Variants in GRID2 observed in about 807,000 individuals in gnomAD.
GRID2 encodes the protein glutamate receptor ionotropic, delta-2.
A neutral mutation model predicts 114.8 loss-of-function variants in GRID2; 33 were observed. The observed-to-expected ratio is 0.29, with a 90% CI of 0.22 to 0.38. The LOEUF is 0.38. GRID2 is among the 10% of genes least tolerant of loss of function. The probability of loss-of-function intolerance (pLI) is 1.00; values close to 1 mark genes in which losing one functional copy is unlikely to be tolerated. For missense variants in GRID2, 1,184 were observed against 1,257.7 expected (o/e 0.94, Z 0.89); for synonymous variants, 505 against 449.9 (o/e 1.12, Z -1.55).
chr4:93,449,803 AT>A (rs1364756257), intron 10 of GRID2, among the ~76,000 whole-genome samples: 2 of 152,042 alleles, frequency 1.3e-5, no homozygotes, highest in Non-Finnish European at 2.9e-5. Flanking sequence ...TGAATGAAGA[AT>A]TAAAGGCTTG....
At chr4:93,661,166 TACTC>T in intron 14 of GRID2, among the ~76,000 whole-genome samples, 1 of 152,318 alleles carries the variant, frequency 6.6e-6, no homozygotes, top group Middle Eastern at 3.4e-3. Flanking sequence ...AGAATTGGCT[TACTC>T]ACTGAAAGTA....
Position 92,773,014 on chromosome 4 carries a change from C to T in GRID2, c.244+182728C>T, listed in dbSNP as rs549431919. On this transcript the variant is annotated intron_variant, in intron 2 of 15. Transcript: ENST00000282020. Reference sequence around the variant, plus strand: ...AAAAATCACCTACTCATTAGTTCAGCACAATGGAAATTTGTATTATCTGCC... The same window carrying T: ...AAAAATCACCTACTCATTAGTTCAGTACAATGGAAATTTGTATTATCTGCC... Among the ~76,000 whole-genome samples the T allele has an allele frequency of 7.9e-5, 12 of 152,264 alleles. No individual in the cohort carries two copies. The East Asian group carries it at 2.3e-3, about 29-fold the overall frequency.
intron 2 of GRID2, among the ~76,000 whole-genome samples, chr4:92,851,209 G>A (rs1191033728): frequency 6.6e-6 from 1 of 151,774 alleles, no homozygotes; most frequent in Non-Finnish European, 1.5e-5. Flanking sequence ...TAACAAATCA[G>A]CCAAATACTT....
At position 92,472,094 on chromosome 4, in the gene GRID2, C is replaced by T. The variant is rs1374277308; in HGVS notation, c.89-118037C>T. ...GACTACAGGCGCCCGCCACTACGCC[C>T]AGCTAATTTTTTGTATTTTTAGTAG... On this transcript the variant is annotated intron_variant, in intron 1 of 15. Coordinates refer to ENST00000282020, the MANE Select transcript of GRID2 (RefSeq NM_001510.4). 3.4e-5 allele frequency among the ~76,000 whole-genome samples: 4 copies of T among 117,808 alleles called. 2 individuals are homozygous for T. Among genetic ancestry groups the T allele is most frequent in the African/African-American group, 1.5e-4 (4 of 26,478 alleles). The allele number at this position is 117,808 out of a possible 152,430, so 77.3% of individuals were successfully genotyped here. A position where few individuals can be genotyped will look rare whatever the true frequency, so the allele number is the denominator to read the frequency against.
At chr4:92,907,885 T>C (rs1462486935) in intron 2 of GRID2, among the ~76,000 whole-genome samples, 1 of 151,890 alleles carries the variant, frequency 6.6e-6, no homozygotes, top group Non-Finnish European at 1.5e-5. Flanking sequence ...TAGCTGGATG[T>C]GTTAGGGTGC....
At chr4:93,502,638 G>A (rs370856846) in intron 12 of GRID2, among the ~76,000 whole-genome samples, 1 of 151,314 alleles carries the variant, frequency 6.6e-6, no homozygotes, top group Admixed American at 6.6e-5. Context: ...ATTCTCTGAT[G>A]CTCTTAGTTC....
rs375922928 is a variant in GRID2 at position 93,803,593 on chromosome 4, G to A, written c.222-3122G>A. 5.9e-5 allele frequency among the ~76,000 whole-genome samples: 9 copies of A among 152,096 alleles called. No homozygotes were observed. The East Asian group carries it at 1.2e-3, about 20-fold the overall frequency. On this transcript the variant is annotated intron_variant, in intron 1 of 1. Coordinates refer to the GRID2 transcript ENST00000637838. ...AAAAATTAGCCGGGCATGGTGGCAC[G>A]CACCTGTAGTCCTAGCCACTCGGGA...
intron 13 of GRID2, among the ~76,000 whole-genome samples, chr4:93,616,936 G>T (rs1741728831): frequency 6.6e-6 from 1 of 150,616 alleles, no homozygotes; most frequent in Non-Finnish European, 1.5e-5. Flanking sequence ...GAGCTTGCGT[G>T]AGCTAAGATC....
At chr4:93,668,020 T>A (rs932128852) in intron 14 of GRID2, among the ~76,000 whole-genome samples, 1 of 152,054 alleles carries the variant, frequency 6.6e-6, no homozygotes, top group African/African-American at 2.4e-5. Context: ...TTCTGTAAAC[T>A]TTGAGTGATT....
At chr4:92,550,894 A>G (rs1425914375) in intron 1 of GRID2, among the ~76,000 whole-genome samples, 1 of 152,214 alleles carries the variant, frequency 6.6e-6, no homozygotes, top group Non-Finnish European at 1.5e-5. Flanking sequence ...TTAAGCAGTT[A>G]CATTGCAAAG....
intron 1 of GRID2, among the ~76,000 whole-genome samples, chr4:92,511,939 G>T (rs1002374797): frequency 6.6e-6 from 1 of 151,600 alleles, no homozygotes; most frequent in Non-Finnish European, 1.5e-5. Context: ...ATGAACTGAA[G>T]CTCTGTACCC....
intron 1 of GRID2, among the ~76,000 whole-genome samples, chr4:92,522,063 C>G (rs543256040): frequency 6.6e-6 from 1 of 151,754 alleles, no homozygotes; most frequent in Non-Finnish European, 1.5e-5. Flanking sequence ...AGATAATCCA[C>G]TGTGGGGCAG....
chr4:92,775,121 C>T (rs369852959), intron 2 of GRID2, among the ~76,000 whole-genome samples: 2 of 152,014 alleles, frequency 1.3e-5, no homozygotes, highest in East Asian at 3.9e-4. Context: ...TTTAGTAAAC[C>T]CTGAGTTATC....
intron 2 of GRID2, among the ~76,000 whole-genome samples, chr4:92,779,789 G>T (rs1020779860): frequency 6.6e-6 from 1 of 152,026 alleles, no homozygotes; most frequent in African/African-American, 2.4e-5. Context: ...ATAAAGTCAG[G>T]GCTTTGTTAC....
At chr4:93,794,648 T>A (rs1194836487) in intron 1 of GRID2, among the ~76,000 whole-genome samples, 1 of 152,246 alleles carries the variant, frequency 6.6e-6, no homozygotes, top group Non-Finnish European at 1.5e-5. Context: ...TCACTTCTGT[T>A]GCACTTTGGC....
rs185530665 is a variant in GRID2, at chr4:93,257,747, A to G, written c.1245+19257A>G. On this transcript the variant is annotated intron_variant, in intron 8 of 15. Coordinates refer to ENST00000282020, the MANE Select transcript of GRID2 (RefSeq NM_001510.4). ...TTCTCATATAATATAATGAAAATAT[A>G]CTTTTTGAAAGATAGCATGATGTGT... is the stretch of plus-strand genomic sequence containing the variant. 4.6e-3 allele frequency among the ~76,000 whole-genome samples: 691 copies of G among 151,464 alleles called. 8 individuals carry two copies. Among genetic ancestry groups the G allele is most frequent in the Middle Eastern group, 0.02 (6 of 294 alleles).
chr4:92,312,912 T>A (rs556300327), intron 1 of GRID2, among the ~76,000 whole-genome samples: 100 of 152,150 alleles, frequency 6.6e-4, no homozygotes, highest in African/African-American at 2.4e-3. Context: ...AGAACTATCA[T>A]TTGATGCAGC....
downstream of GRID2, among the ~76,000 whole-genome samples, chr4:93,778,276 A>G (rs916249717): frequency 6.6e-6 from 1 of 152,086 alleles, no homozygotes; most frequent in Non-Finnish European, 1.5e-5. Flanking sequence ...TTAAATGCTA[A>G]CCCTCTATTA....
chr4:93,021,690 T>A (rs1351795749), intron 2 of GRID2, among the ~76,000 whole-genome samples: 1 of 145,416 alleles, frequency 6.9e-6, no homozygotes, highest in Admixed American at 7.0e-5. Context: ...TTATTTATAA[T>A]ATGTATATTA....
Sources: gnomAD v4.1 joint callset for allele counts (sites outside exome capture counted in the v4.1 genomes callset) on GRCh38, gnomAD v4.1.1 for gene constraint, MANE v1.5 for transcripts, NCBI Gene and HGNC (gene_info 2026-07-23, HGNC 2026-07-21) for gene names.